Variants in NAB2 observed in about 807,000 individuals in gnomAD.
NAB2 encodes NGFI-A-binding protein 2.
In NAB2, 9 loss-of-function variants were observed where a neutral mutation model predicts 44.2. That is an observed-to-expected ratio of 0.20 (90% CI 0.12 to 0.36). NAB2 has a LOEUF of 0.36. NAB2 is among the 10% of genes least tolerant of loss of function. The pLI is 1.00. For synonymous variants in NAB2, 342 were observed against 291.0 expected (o/e 1.18, Z -1.78); for missense variants, 514 against 709.0 (o/e 0.73, Z 3.12).
At chr12:57,089,741 C>CGGGGTCCTGGAGAAGG (rs1555172915) in intron 1 of NAB2, among the ~76,000 whole-genome samples, 1 of 150,450 alleles carries the variant, frequency 6.6e-6, no homozygotes, top group Admixed American at 6.6e-5. Context: ...GCGCGGGCCC[C>CGGGGTCCTGGAGAAGG]CGGTGCCTTT....
At position 57,094,224 on chromosome 12, in the gene NAB2, G is replaced by A. The variant is rs552839713; in HGVS notation, c.1469-388G>A. 2.1e-5 allele frequency among the ~76,000 whole-genome samples: 3 copies of A among 145,564 alleles called. No individual in the cohort carries two copies. The East Asian group carries it at 6.6e-4, about 32-fold the overall frequency. ...ATTTGGCTACCAAAAAACTTGGGGG[G>A]CCATGGTAGAGTGGCCTGGGAGGGG... On this transcript the variant is annotated intron_variant, in intron 6 of 6. Coordinates refer to ENST00000300131, the MANE Select transcript of NAB2 (RefSeq NM_005967.4).
intron 1 of NAB2, among the ~76,000 whole-genome samples, chr12:57,090,060 C>T (rs2033151589): frequency 6.6e-6 from 1 of 152,218 alleles, no homozygotes; most frequent in Admixed American, 6.5e-5. Flanking sequence ...GCCACGGCCC[C>T]TGAGCTGAAG....
At chr12:57,094,588 C>T (rs953069100) in intron 6 of NAB2, 24 bp from the exon 7 acceptor site, 31 of 1,537,704 alleles carry the variant, frequency 2.0e-5, no homozygotes, top group Non-Finnish European at 2.6e-5. Context: ...CTGCAGTCTC[C>T]TAACTGCCCC....
intron 6 of NAB2, among the ~76,000 whole-genome samples, chr12:57,094,368 G>A (rs1373435914): frequency 1.3e-5 from 2 of 151,898 alleles, no homozygotes; most frequent in Non-Finnish European, 2.9e-5. Context: ...GCGCAACCGA[G>A]GAGGCGGGAG....
chr12:57,091,433 C>T lies in NAB2; in HGVS notation c.392C>T (p.Ser131Phe), dbSNP rs1167826053. Residue 131 changes from serine (S) to phenylalanine (F), a missense_variant, in exon 2 of 7, where the codon TCT becomes TTT. Physicochemically the swap from Ser to Phe is radical, Grantham distance 155. Coordinates refer to ENST00000300131, the MANE Select transcript of NAB2 (RefSeq NM_005967.4). This position sits in a 1 kb window ranked among gnomAD's most constrained non-coding sequence, Gnocchi z 7.3. The part of the protein sequence containing the change: ...PVSSIPLFKI[S>F]ETAGTRKGSM... ...TCCAGCATCCCGCTCTTCAAGATCT[C>T]TGAGACTGCGGGTACCCGGAAAGGG... 6.2e-7 allele frequency: 1 copy of T among 1,614,240 alleles called. No individual in the cohort carries two copies. The highest frequency in any genetic ancestry group is 8.5e-7 in the Non-Finnish European group (1 of 1,180,042).
chr12:57,092,612 C>T, intron 3 of NAB2, 31 bp downstream of exon 3: 5 of 1,611,558 alleles, frequency 3.1e-6, no homozygotes, highest in Non-Finnish European at 4.2e-6. Flanking sequence ...CCTTCCTGGA[C>T]TGGAATCCTG....
chr12:57,090,147 G>A (rs1281458085), intron 1 of NAB2, among the ~76,000 whole-genome samples: 1 of 152,164 alleles, frequency 6.6e-6, no homozygotes, highest in Non-Finnish European at 1.5e-5. Context: ...AGCCTGGAAG[G>A]GTGGAGAGGT....
rs2033198273 is a variant in NAB2 at position 57,091,966 on chromosome 12, C to T, written c.925C>T (p.Arg309Trp). The T allele has an allele frequency of 2.5e-6, 4 of 1,612,254 alleles. No individual in the cohort carries two copies. The highest frequency in any genetic ancestry group is 1.1e-5 in the South Asian group (1 of 90,950). Reference sequence around the variant, plus strand: ...CATCTATGGCCGTTTCGACTCTAAGCGGCGGGAGGGCAAGCAGCTCAGCCT... The same window carrying T: ...CATCTATGGCCGTTTCGACTCTAAGTGGCGGGAGGGCAAGCAGCTCAGCCT... ...SIIYGRFDSK[R>W]REGKQLSLHE... is the part of the protein sequence containing the mutation. The change falls in exon 2 of 7, where the codon CGG becomes TGG. Residue 309 changes from arginine to tryptophan, a missense_variant. This residue lies in a region of NAB2 where 53 missense variants were observed against 108.5 expected (regional missense o/e 0.49). Transcript: ENST00000300131. The surrounding 1 kb of genome is among the most constrained non-coding windows in gnomAD (Gnocchi z 7.3).
At position 57,093,447 on chromosome 12, in the gene NAB2, C is replaced by T. The variant is rs761810425; in HGVS notation, c.1317C>T (p.Asp439=). 1.1e-5 allele frequency: 18 copies of T among 1,599,830 alleles called. No individual in the cohort carries two copies. In the African/African-American group the frequency reaches 1.9e-4, roughly 17 times the overall value. Residue 439 remains aspartate (D), a synonymous_variant, in exon 6 of 7, where the codon GAC becomes GAT. Coordinates refer to ENST00000300131, the MANE Select transcript of NAB2 (RefSeq NM_005967.4). ...SCPRLTPPPA[D]LPLALPAHGL... ...CAAGGCTGACGCCGCCCCCTGCTGA[C>T]CTGCCTCTGGCATTGCCAGCCCATG...
chr12:57,092,754 C>T (rs1466595968), intron 3 of NAB2, among the ~76,000 whole-genome samples, 163 bp from the exon 4 acceptor site: 1 of 152,276 alleles, frequency 6.6e-6, no homozygotes, highest in South Asian at 2.1e-4. Flanking sequence ...CATGTCGGGT[C>T]CCCCCAACCC....
chr12:57,094,699 A>C lies in NAB2; in HGVS notation c.1556A>C (p.Glu519Ala), dbSNP rs1387028145. 1 of 1,553,480 alleles carries C rather than the reference A, an allele frequency of 6.4e-7. No individual in the cohort carries two copies. The highest frequency in any genetic ancestry group is 8.7e-7 in the Non-Finnish European group (1 of 1,148,238). ...VEGRRSSVKV[E>A]AEASRQ ...GGTCGCAGGAGCAGCGTGAAAGTGG[A>C]GGCTGAGGCCAGCCGGCAGTGAGGG... Residue 519 changes from glutamate (E) to alanine (A), a missense_variant, in exon 7 of 7, where the codon GAG (glutamate) becomes GCG (alanine). This residue lies in a region of NAB2 where 194 missense variants were observed against 223.9 expected (regional missense o/e 0.87). Coordinates refer to ENST00000300131, the MANE Select transcript of NAB2 (RefSeq NM_005967.4).
intron 5 of NAB2, 62 bp downstream of exon 5, chr12:57,093,257 G>T: frequency 6.6e-7 from 1 of 1,518,046 alleles, no homozygotes; most frequent in Non-Finnish European, 8.8e-7. Context: ...GAGGGGGTTG[G>T]GGGAGGAGTG....
intron 2 of NAB2, 96 bp downstream of exon 2, chr12:57,092,094 A>G (rs781673325): frequency 8.1e-6 from 12 of 1,487,912 alleles, no homozygotes; most frequent in Non-Finnish European, 8.9e-6. Context: ...ATCTTTCATT[A>G]TCTCTTGACC....
rs758679045 is a variant in NAB2, at chr12:57,091,632, A to T, written c.591A>T (p.Ala197=). The T allele has an allele frequency of 6.2e-7, 1 of 1,605,662 alleles. No homozygotes were observed. Among genetic ancestry groups the T allele is most frequent in the South Asian group, 1.1e-5 (1 of 90,244 alleles). The part of the protein sequence containing the change: ...GRSTPESDVG[A]GGEEEAGSPP... ...GCACTCCAGAGTCGGACGTTGGGGC[A>T]GGAGGAGAAGAGGAGGCTGGCTCGC... Residue 197 remains alanine, a synonymous_variant, in exon 2 of 7, where the codon GCA becomes GCT. Coordinates refer to ENST00000300131, the MANE Select transcript of NAB2 (RefSeq NM_005967.4). The surrounding 1 kb of genome is among the most constrained non-coding windows in gnomAD (Gnocchi z 7.3).
Position 57,095,004 on chromosome 12 carries a change from CA to C in NAB2, c.*285del. 1 of 460,362 alleles carries C rather than the reference CA, an allele frequency of 2.2e-6. No homozygotes were observed. Among genetic ancestry groups the C allele is most frequent in the Non-Finnish European group, 3.9e-6 (1 of 256,018 alleles). The allele number at this position is 460,362 out of a possible 1,614,324, so 28.5% of individuals were successfully genotyped here. ...ATCTGGGGTTTTCCCCTCCCTCACA[CA>C]ACACACTCCCATTCTCTTTAGGTTT... On this transcript the variant is annotated 3_prime_UTR_variant, in exon 7 of 7. Transcript: ENST00000300131.
rs2033197704 is a variant in NAB2, at chr12:57,091,941, C to T, written c.900C>T (p.Ile300=). 6.2e-7 allele frequency: 1 copy of T among 1,613,990 alleles called. No homozygotes were observed. The highest frequency in any genetic ancestry group is 1.3e-5 in the African/African-American group (1 of 75,028). ...QKEEEIRKYS[I]IYGRFDSKRR... is the part of the protein sequence containing the mutation. ...AAGAGGAGATCCGCAAATACAGCATCATCTATGGCCGTTTCGACTCTAAGC... is the reference window on the plus strand; with the variant it reads ...AAGAGGAGATCCGCAAATACAGCATTATCTATGGCCGTTTCGACTCTAAGC... Residue 300 remains isoleucine (I), a synonymous_variant, in exon 2 of 7, where the codon ATC becomes ATT. Transcript: ENST00000300131. This position sits in a 1 kb window ranked among gnomAD's most constrained non-coding sequence, Gnocchi z 7.3.
In NAB2 at chr12:57,092,007, C is replaced by T. The variant is rs761026182; in HGVS notation, c.957+9C>T. On this transcript the variant is annotated intron_variant, in intron 2 of 6. Transcript: ENST00000300131. ...AGCTCAGCCTGCACGAGGTGAGAACCCCCAGGCCTCCTAGGATTGCCCTTG... is the reference window on the plus strand; with the variant it reads ...AGCTCAGCCTGCACGAGGTGAGAACTCCCAGGCCTCCTAGGATTGCCCTTG... 1.9e-6 allele frequency: 3 copies of T among 1,593,558 alleles called. No homozygotes were observed. Among genetic ancestry groups the T allele is most frequent in the Non-Finnish European group, 2.6e-6 (3 of 1,167,866 alleles).
At position 57,092,917 on chromosome 12, in the gene NAB2, G is replaced by A. The variant is rs2033223690; in HGVS notation, c.1092G>A (p.Arg364=). The stretch of plus-strand genomic sequence containing the variant: ...ACTTTATTCTTACCCATCTTTTCAG[G>A]CTTCACCCTGAAGAACTGGGAGGCC... ...STYLSSLKGS[R]LHPEELGGPP... is the part of the protein sequence containing the mutation. Residue 364 remains arginine, a splice_region_variant and synonymous_variant, in exon 4 of 7, where the codon AGG becomes AGA. Transcript: ENST00000300131. 5 of 1,614,158 alleles carry A rather than the reference G, an allele frequency of 3.1e-6. No homozygotes were observed. The highest frequency in any genetic ancestry group is 4.2e-6 in the Non-Finnish European group (5 of 1,180,006).
intron 6 of NAB2, 92 bp from the exon 7 acceptor site, chr12:57,094,520 C>A (rs568381043): frequency 9.8e-7 from 1 of 1,023,396 alleles, no homozygotes; most frequent in Non-Finnish European, 1.5e-6. Flanking sequence ...AGCCCATCTT[C>A]ACAGCTTTCT....
Sources: allele counts gnomAD v4.1 joint callset (sites outside exome capture counted in the v4.1 genomes callset), GRCh38; gene constraint gnomAD v4.1.1; regional missense constraint gnomAD v4.1.1; non-coding constraint Gnocchi (gnomAD v3.1); transcripts MANE v1.5; gene names NCBI Gene and HGNC (gene_info 2026-07-23, HGNC 2026-07-21).